The following ZNF440 variants were observed in gnomAD, a reference collection of about 807,000 sequenced individuals.
ZNF440 encodes the protein zinc finger protein 440.
Under a neutral mutation model 49.7 loss-of-function variants are expected in ZNF440, and 47 were observed. The ratio of observed to expected loss-of-function variants is 0.95; its 90% CI spans 0.75 to 1.21. The LOEUF (loss-of-function observed/expected upper bound fraction) is 1.21, where lower values mean the gene tolerates loss of function less well. Ranked by LOEUF, ZNF440 falls within the 50% of genes most tolerant of loss-of-function variation. The pLI is 0.00. For synonymous variants in ZNF440, 255 were observed against 237.7 expected (o/e 1.07, Z -0.67); for missense variants, 703 against 715.0 (o/e 0.98, Z 0.19).
chr19:11,828,692 T>C (rs1206612266), intron 1 of ZNF440, among the ~76,000 whole-genome samples: 1 of 142,250 alleles, frequency 7.0e-6, no homozygotes, highest in African/African-American at 2.9e-5. Context: ...TTTTTCTTTT[T>C]TTTTTTTTTT....
In ZNF440 at chr19:11,832,398, G is replaced by A. The variant is rs780450429; in HGVS notation, c.1222G>A (p.Ala408Thr). ...GCAATGTGGGAAAGCCTTCAGATCTGCCTCACACCTTCGAGTGCATGGTAG... is the reference window on the plus strand; with the variant it reads ...GCAATGTGGGAAAGCCTTCAGATCTACCTCACACCTTCGAGTGCATGGTAG... ...CKQCGKAFRS[A>T]SHLRVHGRTH... The change falls in exon 4 of 4, where the codon GCC becomes ACC. Residue 408 changes from alanine to threonine, a missense_variant. Ala to Thr is a moderately conservative substitution (Grantham distance 58). Transcript: ENST00000304060. The A allele has an allele frequency of 6.2e-7, 1 of 1,613,340 alleles. No individual in the cohort carries two copies. Among genetic ancestry groups the A allele is most frequent in the Non-Finnish European group, 8.5e-7 (1 of 1,179,710 alleles).
Position 11,833,332 on chromosome 19 carries a change from G to T in ZNF440, c.*368G>T. The stretch of plus-strand genomic sequence containing the variant: ...GAGGAGAGAAGCTCTGTGAATGTAA[G>T]CATTGTGGGAAAGCATTCATATCTG... On this transcript the variant is annotated 3_prime_UTR_variant, in exon 4 of 4. Transcript: ENST00000304060. The T allele has an allele frequency of 2.0e-6, 1 of 505,466 alleles. No individual in the cohort carries two copies. The highest frequency in any genetic ancestry group is 3.7e-6 in the Non-Finnish European group (1 of 273,276). 31.3% of individuals were successfully genotyped at this position (505,466 alleles called of 1,614,324 possible).
At chr19:11,821,485 G>A (rs1432270242) in intron 1 of ZNF440, among the ~76,000 whole-genome samples, 1 of 152,146 alleles carries the variant, frequency 6.6e-6, no homozygotes, top group Admixed American at 6.5e-5. Flanking sequence ...CTGTCCTCTG[G>A]ATTGTGTCAA....
At chr19:11,829,946 G>T in intron 1 of ZNF440, 1 of 237,586 alleles carries the variant, frequency 4.2e-6, no homozygotes, top group Non-Finnish European at 7.9e-6. Flanking sequence ...AACGTGGAGA[G>T]ACTCTGTCTC....
intron 3 of ZNF440, among the ~76,000 whole-genome samples, 159 bp from the exon 4 acceptor site, chr19:11,831,209 C>G (rs1975932756): frequency 1.3e-5 from 2 of 152,144 alleles, no homozygotes; most frequent in Non-Finnish European, 2.9e-5. Context: ...GCTGGGTCAC[C>G]TTGTAGAATA....
Position 11,830,299 on chromosome 19 carries a change from A to G in ZNF440, c.20A>G (p.Lys7Arg), listed in dbSNP as rs192402232. 101 of 1,614,180 alleles carry G rather than the reference A, an allele frequency of 6.3e-5. No homozygotes were observed. The highest frequency in any genetic ancestry group is 1.5e-5 in the Non-Finnish European group (18 of 1,180,018). ...ATGTTTCAGGACCCAGTGGCTTTTAAGGATGTGGCTGTGAACTTCACCCAG... is the reference window on the plus strand; with the variant it reads ...ATGTTTCAGGACCCAGTGGCTTTTAGGGATGTGGCTGTGAACTTCACCCAG... MDPVAF[K>R]DVAVNFTQEE... Residue 7 changes from lysine (K) to arginine (R), a missense_variant, in exon 2 of 4, where the codon AAG becomes AGG. Transcript: ENST00000304060.
chr19:11,827,346 G>C (rs551655788), intron 1 of ZNF440, among the ~76,000 whole-genome samples: 1 of 152,204 alleles, frequency 6.6e-6, no homozygotes, highest in Non-Finnish European at 1.5e-5. Context: ...TAAGGCATGA[G>C]CCACCGCACC....
In ZNF440 at chr19:11,832,857, G is replaced by A. The variant is rs755010747; in HGVS notation, c.1681G>A (p.Val561Met). 17 of 1,611,516 alleles carry A rather than the reference G, an allele frequency of 1.1e-5. No homozygotes were observed. Among genetic ancestry groups the A allele is most frequent in the Admixed American group, 6.7e-5 (4 of 59,882 alleles). The change falls in exon 4 of 4, where the codon GTG becomes ATG. Residue 561 changes from valine (V) to methionine (M), a missense_variant. Val to Met is a conservative substitution (Grantham distance 21). Coordinates refer to ENST00000304060, the MANE Select transcript of ZNF440 (RefSeq NM_152357.3). Reference protein sequence around the residue: ...PSDLPHTFEYVVGHTMERSPM... With the variant: ...PSDLPHTFEYMVGHTMERSPM... ...AGATCTGCCCCACACCTTTGAATAC[G>A]TGGTAGGACACACAATGGAGAGAAG...
chr19:11,820,895 C>T (rs10412227), intron 1 of ZNF440, among the ~76,000 whole-genome samples: 376 of 152,198 alleles, frequency 2.5e-3, no homozygotes, highest in African/African-American at 8.7e-3. Flanking sequence ...GCCACTTCAA[C>T]GGGGTGGAGC....
In ZNF440 at chr19:11,832,611, ACT is replaced by A. The variant is rs1975964146; in HGVS notation, c.1437_1438del (p.Thr481TrpfsTer6). 1.2e-6 allele frequency: 2 copies of A among 1,613,210 alleles called. No homozygotes were observed. Among genetic ancestry groups the A allele is most frequent in the Non-Finnish European group, 1.7e-6 (2 of 1,179,792 alleles). Reference sequence around the variant, plus strand: ...CAAATCATTTCAAAGACATGAAAAAACTCACACTGGAGAGAAACTCTATGAAT... The same window carrying A: ...CAAATCATTTCAAAGACATGAAAAAACACACTGGAGAGAAACTCTATGAAT... ...CPKSFQRHEKTHTGEKLYECK... is the reference protein window; with the variant it reads ...CPKSFQRHEKXHTGEKLYECK... On this transcript the variant is annotated frameshift_variant, in exon 4 of 4. Transcript: ENST00000304060. LOFTEE classifies it high-confidence loss of function.
At chr19:11,822,764 G>A (rs772941152) in intron 1 of ZNF440, among the ~76,000 whole-genome samples, 1 of 150,886 alleles carries the variant, frequency 6.6e-6, no homozygotes, top group South Asian at 2.1e-4. Flanking sequence ...GGAGAATCAC[G>A]AGAACCTGGG....
At chr19:11,828,481 G>A (rs1975893603) in intron 1 of ZNF440, among the ~76,000 whole-genome samples, 1 of 152,048 alleles carries the variant, frequency 6.6e-6, no homozygotes, top group Admixed American at 6.5e-5. Flanking sequence ...CACCATGCCT[G>A]GCTGCTACCA....
At chr19:11,824,977 G>A (rs1056882246) in intron 1 of ZNF440, among the ~76,000 whole-genome samples, 3 of 151,862 alleles carry the variant, frequency 2.0e-5, no homozygotes, top group Non-Finnish European at 4.4e-5. Flanking sequence ...AAAGTGCTGG[G>A]ATTACAGGCG....
Position 11,831,858 on chromosome 19 carries a change from T to C in ZNF440, c.682T>C (p.Cys228Arg), listed in dbSNP as rs146414294. 465 of 1,614,030 alleles carry C rather than the reference T, an allele frequency of 2.9e-4. 2 individuals are homozygous for C. The African/African-American group carries it at 5.4e-3, about 19-fold the overall frequency. The change falls in exon 4 of 4, where the codon TGT (cysteine) becomes CGT (arginine). Residue 228 changes from cysteine to arginine, a missense_variant. Transcript: ENST00000304060. ...HERIHTGEKP[C>R]ECKQCGKSFS... ...AAGAATTCACACTGGAGAGAAACCA[T>C]GTGAATGTAAACAGTGTGGTAAATC...
chr19:11,829,946 G>A (rs406130), intron 1 of ZNF440: 134,400 of 237,104 alleles, frequency 0.57, 40,695 homozygotes, highest in African/African-American at 0.85. Flanking sequence ...AACGTGGAGA[G>A]ACTCTGTCTC....
chr19:11,834,151 G>A lies in ZNF440; in HGVS notation c.*1187G>A. The stretch of plus-strand genomic sequence containing the variant: ...TTTCTTTTTTTTTTTCCCCCAGAAA[G>A]AATCTCACTCTGTCACCCAGGCTGG... On this transcript the variant is annotated 3_prime_UTR_variant, in exon 4 of 4. Coordinates refer to ENST00000304060, the MANE Select transcript of ZNF440 (RefSeq NM_152357.3). The A allele has an allele frequency of 3.5e-6, 1 of 285,688 alleles. No homozygotes were observed. The highest frequency in any genetic ancestry group is 6.8e-6 in the Non-Finnish European group (1 of 148,050). 17.7% of individuals were successfully genotyped at this position (285,688 alleles called of 1,614,324 possible).
intron 1 of ZNF440, among the ~76,000 whole-genome samples, chr19:11,821,479 C>G (rs550367667): frequency 6.6e-6 from 1 of 152,252 alleles, no homozygotes; most frequent in South Asian, 2.1e-4. Context: ...TGCTTCCTGT[C>G]CTCTGGATTG....
Position 11,833,513 on chromosome 19 carries a change from G to T in ZNF440, c.*549G>T. On this transcript the variant is annotated 3_prime_UTR_variant, in exon 4 of 4. Transcript: ENST00000304060. ...CTATGAATGCAAGCAATGTGGCAAA[G>T]CTTTCACTTCTTCCAGTTCTTTTCA... 3.3e-6 allele frequency: 1 copy of T among 303,438 alleles called. No homozygotes were observed. Among genetic ancestry groups the T allele is most frequent in the Non-Finnish European group, 6.5e-6 (1 of 153,766 alleles). The allele number at this position is 303,438 out of a possible 1,614,324, so 18.8% of individuals were successfully genotyped here.
chr19:11,814,930 C>T (rs182982966), intron 1 of ZNF440, among the ~76,000 whole-genome samples: 5 of 152,190 alleles, frequency 3.3e-5, no homozygotes, highest in Admixed American at 2.6e-4. Context: ...TCCTCATTGG[C>T]TAGGGTTGGA....
Sources: gnomAD v4.1 joint callset for allele counts (sites outside exome capture counted in the v4.1 genomes callset) on GRCh38, gnomAD v4.1.1 for gene constraint, MANE v1.5 for transcripts, NCBI Gene and HGNC (gene_info 2026-07-23, HGNC 2026-07-21) for gene names.